SLC14A2: variants seen among roughly 807,000 people sequenced by gnomAD.
SLC14A2 encodes the protein urea transporter 2.
Under a neutral mutation model 104.6 loss-of-function variants are expected in SLC14A2, and 91 were observed. The observed-to-expected ratio is 0.87, with a 90% CI of 0.73 to 1.04. SLC14A2 has a LOEUF of 1.04. Among genes scored for constraint, SLC14A2 ranks in the 50% least tolerant of loss-of-function variants. SLC14A2 has a pLI of 0.00. For synonymous variants in SLC14A2, 476 were observed against 466.4 expected, an observed-to-expected ratio of 1.02 and a Z score of -0.27; for missense variants, 1,189 against 1,156.0, an observed-to-expected ratio of 1.03 and a Z score of -0.41.
At chr18:45,398,585 T>TTG (rs1598756331) in intron 1 of SLC14A2, among the ~76,000 whole-genome samples, 1 of 151,364 alleles carries the variant, frequency 6.6e-6, no homozygotes, top group South Asian at 2.1e-4. Context: ...CAAATTGTGG[T>TTG]TATATACATA....
intron 1 of SLC14A2, among the ~76,000 whole-genome samples, chr18:45,269,130 T>C (rs1392719291): frequency 1.3e-5 from 2 of 152,000 alleles, no homozygotes; most frequent in East Asian, 3.9e-4. Context: ...ACAATGAGAA[T>C]GACCTGGACC....
At chr18:45,209,640 A>G (rs2083946128), upstream of SLC14A2, among the ~76,000 whole-genome samples, 2 of 152,102 alleles carry the variant, frequency 1.3e-5, no homozygotes, top group Non-Finnish European at 2.9e-5. Context: ...CCTAGGTTTC[A>G]AGTTAGTTAG....
At chr18:45,678,870 A>G in intron 18 of SLC14A2, 105 bp from the exon 19 acceptor site, 1 of 1,038,556 alleles carries the variant, frequency 9.6e-7, no homozygotes, top group Non-Finnish European at 1.4e-6. Flanking sequence ...TCTTAGAGAT[A>G]GCATTTGTGG....
intron 2 of SLC14A2, among the ~76,000 whole-genome samples, chr18:45,596,634 G>A (rs975559687): frequency 6.6e-6 from 1 of 152,198 alleles, no homozygotes; most frequent in Non-Finnish European, 1.5e-5. Flanking sequence ...GGCAAAAGCT[G>A]AAGCTATTGT....
chr18:45,224,867 G>A (rs573277742), intron 1 of SLC14A2, among the ~76,000 whole-genome samples: 1 of 152,280 alleles, frequency 6.6e-6, no homozygotes, highest in South Asian at 2.1e-4. Context: ...GAAGGCTAAT[G>A]AGGGTAGTTC....
chr18:45,256,893 C>T (rs1208575822), intron 1 of SLC14A2, among the ~76,000 whole-genome samples: 3 of 152,338 alleles, frequency 2.0e-5, no homozygotes, highest in Admixed American at 6.5e-5. Flanking sequence ...ATCATAAGTA[C>T]CCTGTGATGT....
In SLC14A2 at chr18:45,225,736, A is replaced by T. The variant is rs1025280144; in HGVS notation, c.-125+12545A>T. Among the ~76,000 whole-genome samples the T allele has an allele frequency of 6.6e-5, 10 of 152,210 alleles. No individual in the cohort carries two copies. In the East Asian group the frequency reaches 1.9e-3, roughly 29 times the overall value. ...TGTAAGTTGGATTCCTAGGTATTTT[A>T]TTCTCTTTGAAGCAATTGTGAATGG... is the stretch of plus-strand genomic sequence containing the variant. On this transcript the variant is annotated intron_variant, in intron 1 of 20. Coordinates refer to the SLC14A2 transcript ENST00000586448.
intron 4 of SLC14A2, among the ~76,000 whole-genome samples, chr18:45,628,000 C>CAAAAAAAAAAAAAAAAAAA (rs58009345): frequency 2.4e-5 from 2 of 83,580 alleles, no homozygotes; most frequent in African/African-American, 8.8e-5. Flanking sequence ...AAGACTTTCT[C>CAAAAAAAAAAAAAAAAAAA]AAAAAAAAAA....
At chr18:45,222,877 C>A (rs1023396058) in intron 1 of SLC14A2, among the ~76,000 whole-genome samples, 32 of 152,156 alleles carry the variant, frequency 2.1e-4, no homozygotes, top group African/African-American at 7.5e-4. Flanking sequence ...CTCTCCCTTT[C>A]TCAGTGCCTG....
chr18:45,521,109 A>C (rs2043510298), intron 2 of SLC14A2, among the ~76,000 whole-genome samples: 1 of 152,188 alleles, frequency 6.6e-6, no homozygotes, highest in African/African-American at 2.4e-5. Flanking sequence ...TCAGTTCTAC[A>C]TCAAGTGACC....
At chr18:45,403,535 C>G (rs1207836389) in intron 1 of SLC14A2, among the ~76,000 whole-genome samples, 1 of 152,136 alleles carries the variant, frequency 6.6e-6, no homozygotes. Context: ...AGTGTACTGC[C>G]TGCCTGGCCA....
chr18:45,504,297 G>A, intron 2 of SLC14A2, among the ~76,000 whole-genome samples: 1 of 152,186 alleles, frequency 6.6e-6, no homozygotes, highest in East Asian at 1.9e-4. Context: ...GGGGAGGAAA[G>A]CCCACAGTGT....
At chr18:45,573,008 C>T (rs1226170127) in intron 2 of SLC14A2, among the ~76,000 whole-genome samples, 1 of 152,120 alleles carries the variant, frequency 6.6e-6, no homozygotes, top group Admixed American at 6.5e-5. Context: ...CGCCTTTATC[C>T]CCCAAAACAC....
chr18:45,343,521 A>G (rs930526763), intron 1 of SLC14A2, among the ~76,000 whole-genome samples: 6 of 151,978 alleles, frequency 3.9e-5, no homozygotes, highest in African/African-American at 1.5e-4. Flanking sequence ...ACAGGATTCC[A>G]TGTCTCTCCA....
At chr18:45,333,643 G>A (rs543245338) in intron 1 of SLC14A2, among the ~76,000 whole-genome samples, 4 of 152,280 alleles carry the variant, frequency 2.6e-5, no homozygotes, top group South Asian at 2.1e-4. Flanking sequence ...TAGGCATGGC[G>A]GGAAGTTTGA....
chr18:45,668,455 G>A lies in SLC14A2; in HGVS notation c.2014G>A (p.Val672Ile), dbSNP rs145938404. ...CTACTACTGGTGGCTGTTGCTACCC[G>A]TCATCATCATGTCCATGTCTTGGTA... ...GDYYWWLLLP[V>I]IIMSMSCPIL... The change falls in exon 15 of 20, where the codon GTC (valine) becomes ATC (isoleucine). Residue 672 changes from valine (V) to isoleucine (I), a missense_variant. Coordinates refer to ENST00000255226, the MANE Select transcript of SLC14A2 (RefSeq NM_007163.4). 4.6e-5 allele frequency: 75 copies of A among 1,614,018 alleles called. No homozygotes were observed. The highest frequency in any genetic ancestry group is 2.0e-4 in the African/African-American group (15 of 74,904).
chr18:45,240,227 G>A (rs565178387), intron 1 of SLC14A2, among the ~76,000 whole-genome samples: 1 of 151,368 alleles, frequency 6.6e-6, no homozygotes, highest in South Asian at 2.1e-4. Context: ...GTCCCGAGTG[G>A]CTGGGACTAC....
At position 45,637,253 on chromosome 18, in the gene SLC14A2, G is replaced by T; in HGVS notation, c.843+71G>T. ...CAGACCTTCTCGCCAACCAATTTGT[G>T]GACTATCCATGCTCTCAACTTCTCT... On this transcript the variant is annotated intron_variant, in intron 6 of 19. Coordinates refer to ENST00000255226, the MANE Select transcript of SLC14A2 (RefSeq NM_007163.4). 1.6e-6 allele frequency: 2 copies of T among 1,271,614 alleles called. 1 individual carries two copies. The highest frequency in any genetic ancestry group is 2.7e-5 in the South Asian group (2 of 74,296). The allele number at this position is 1,271,614 out of a possible 1,614,324, so 78.8% of individuals were successfully genotyped here.
chr18:45,306,479 C>T (rs539124385), intron 1 of SLC14A2, among the ~76,000 whole-genome samples: 1 of 152,274 alleles, frequency 6.6e-6, no homozygotes, highest in East Asian at 1.9e-4. Context: ...GCAGCCATAG[C>T]TAATATGGAA....
Sources: gnomAD v4.1 joint callset for allele counts (sites outside exome capture counted in the v4.1 genomes callset) on GRCh38, gnomAD v4.1.1 for gene constraint, MANE v1.5 for transcripts, NCBI Gene and HGNC (gene_info 2026-07-23, HGNC 2026-07-21) for gene names.